The following DAB1 variants were observed in gnomAD, a reference collection of about 807,000 sequenced individuals.
The protein encoded by DAB1 is DAB adaptor protein 1.
A neutral mutation model predicts 64.6 loss-of-function variants in DAB1; 15 were observed. The ratio of observed to expected loss-of-function variants is 0.23; its 90% CI spans 0.16 to 0.36. DAB1 has a LOEUF of 0.36. Ranked by LOEUF, DAB1 falls within the 10% of genes least tolerant of loss-of-function variation. The pLI is 1.00. For missense variants in DAB1, 596 were observed against 706.7 expected, an observed-to-expected ratio of 0.84 and a Z score of 1.78; for synonymous variants, 235 against 251.9, an observed-to-expected ratio of 0.93 and a Z score of 0.64.
chr1:58,139,182 C>G (rs625994), intron 5 of DAB1, among the ~76,000 whole-genome samples: 30,042 of 151,970 alleles, frequency 0.2, 3,412 homozygotes, highest in East Asian at 0.42. Flanking sequence ...CAGATTCTTC[C>G]GTCAAAACCA....
At chr1:57,888,581 T>C (rs773039398), upstream of DAB1, among the ~76,000 whole-genome samples, 1 of 152,206 alleles carries the variant, frequency 6.6e-6, no homozygotes, top group Non-Finnish European at 1.5e-5. Context: ...TGCAATCTTT[T>C]GGTGAGGGCG....
chr1:58,284,194 T>C (rs1661631166), intron 4 of DAB1, among the ~76,000 whole-genome samples: 1 of 152,222 alleles, frequency 6.6e-6, no homozygotes, highest in Non-Finnish European at 1.5e-5. Context: ...TATGGGAACT[T>C]GGGAATTTGG....
intron 5 of DAB1, among the ~76,000 whole-genome samples, chr1:57,958,777 T>A (rs1645448811): frequency 6.6e-6 from 1 of 152,196 alleles, no homozygotes. Flanking sequence ...TGTAGATTTT[T>A]GTCCTCTTTC....
In DAB1 at chr1:57,827,858, C is replaced by T. The variant is rs185389198; in HGVS notation, n.88-1403G>A. Among the ~76,000 whole-genome samples the T allele has an allele frequency of 2.0e-5, 3 of 152,264 alleles. No homozygotes were observed. The East Asian group carries it at 5.8e-4, about 29-fold the overall frequency. On this transcript the variant is annotated intron_variant and non_coding_transcript_variant, in intron 1 of 1. Coordinates refer to the DAB1 transcript ENST00000477280. Reference sequence around the variant, plus strand: ...CAATCCCTAAGAGCTTACCTTGCTCCGGGTCCTATACCAGGCCCTTCACTT... The same window carrying T: ...CAATCCCTAAGAGCTTACCTTGCTCTGGGTCCTATACCAGGCCCTTCACTT...
At chr1:58,013,885 CT>C (rs773947507) in intron 5 of DAB1, among the ~76,000 whole-genome samples, 1,258 of 19,148 alleles carry the variant, frequency 0.066, 9 homozygotes, top group Non-Finnish European at 0.093. Flanking sequence ...TCTTCCTTTT[CT>C]TTTTTTCTTT....
chr1:57,508,093 A>G (rs542269856), intron 7 of DAB1, among the ~76,000 whole-genome samples: 75 of 152,210 alleles, frequency 4.9e-4, no homozygotes, highest in Non-Finnish European at 9.3e-4. Context: ...GAAAATCACT[A>G]CATTACAGTC....
chr1:57,156,791 G>A (rs926497680), intron 2 of DAB1, among the ~76,000 whole-genome samples: 8 of 152,150 alleles, frequency 5.3e-5, no homozygotes, highest in African/African-American at 1.4e-4. Flanking sequence ...CCTAACCGGG[G>A]GAATGGCTCT....
chr1:58,230,004 CTG>C (rs2100348434), intron 4 of DAB1, among the ~76,000 whole-genome samples: 1 of 152,318 alleles, frequency 6.6e-6, no homozygotes, highest in East Asian at 1.9e-4. Context: ...GCCATGCAGA[CTG>C]TGCAACCTCC....
chr1:58,466,352 G>A (rs550719487), intron 3 of DAB1, among the ~76,000 whole-genome samples: 1 of 151,790 alleles, frequency 6.6e-6, no homozygotes, highest in South Asian at 2.1e-4. Context: ...AGCCTCCCCT[G>A]GCCTCTACAT....
intron 2 of DAB1, among the ~76,000 whole-genome samples, chr1:57,288,315 G>A (rs1170180873): frequency 6.6e-6 from 1 of 152,138 alleles, no homozygotes; most frequent in Non-Finnish European, 1.5e-5. Context: ...AAGAGGATGG[G>A]GGATGGGGGA....
At chr1:57,359,025 A>G (rs1679343013) in intron 1 of DAB1, among the ~76,000 whole-genome samples, 1 of 152,096 alleles carries the variant, frequency 6.6e-6, no homozygotes, top group African/African-American at 2.4e-5. Context: ...GAAAAGCTCC[A>G]TGACACTGGA....
chr1:58,118,874 C>G (rs1652556453), intron 5 of DAB1, among the ~76,000 whole-genome samples: 1 of 151,832 alleles, frequency 6.6e-6, no homozygotes, highest in Non-Finnish European at 1.5e-5. Context: ...CTACACAATA[C>G]AGCCTACACA....
rs1553144984 is a variant in DAB1, at chr1:57,933,425, C to CA, written n.388-49264_388-49263insT. ...ATGCCAGTAGAAAACCAGAAGTCTC[C>CA]TTTTTTTTTACAATAGGTTTTACCT... On this transcript the variant is annotated intron_variant and non_coding_transcript_variant, in intron 5 of 20. Transcript: ENST00000485760. Among the ~76,000 whole-genome samples the CA allele has an allele frequency of 4.6e-5, 7 of 151,138 alleles. No individual in the cohort carries two copies. The East Asian group carries it at 9.7e-4, about 21-fold the overall frequency.
chr1:58,193,281 C>T (rs1420096927), intron 4 of DAB1, among the ~76,000 whole-genome samples: 2 of 152,156 alleles, frequency 1.3e-5, no homozygotes, highest in Admixed American at 6.5e-5. Flanking sequence ...GATCTCAGCA[C>T]GTTCTGGCTC....
chr1:57,777,141 C>CT (rs71051255), intron 6 of DAB1, among the ~76,000 whole-genome samples: 13,831 of 90,486 alleles, frequency 0.15, 1,080 homozygotes, highest in East Asian at 0.33. Flanking sequence ...TTCTGAATTT[C>CT]TTTTTTTTTT....
intron 5 of DAB1, among the ~76,000 whole-genome samples, chr1:58,053,885 C>T (rs1297797509): frequency 6.6e-6 from 1 of 152,234 alleles, no homozygotes; most frequent in African/African-American, 2.4e-5. Context: ...GTCAACCATA[C>T]TCGCTGTTGA....
chr1:58,252,112 G>C (rs1247309161), intron 4 of DAB1, among the ~76,000 whole-genome samples: 1 of 152,168 alleles, frequency 6.6e-6, no homozygotes, highest in Non-Finnish European at 1.5e-5. Context: ...ATGTGACAAG[G>C]AAGGCACCTA....
chr1:58,275,893 T>C (rs1000859619), intron 4 of DAB1, among the ~76,000 whole-genome samples: 2 of 152,236 alleles, frequency 1.3e-5, no homozygotes, highest in Non-Finnish European at 1.5e-5. Flanking sequence ...AGTAGCATTA[T>C]GCACAATAGC....
intron 6 of DAB1, among the ~76,000 whole-genome samples, chr1:57,738,771 A>G (rs936752808): frequency 3.9e-5 from 6 of 152,158 alleles, no homozygotes; most frequent in Non-Finnish European, 7.3e-5. Flanking sequence ...GTTTTGGGTA[A>G]TTTCTTCCAT....
Sources: gnomAD v4.1 joint callset for allele counts (sites outside exome capture counted in the v4.1 genomes callset) on GRCh38, gnomAD v4.1.1 for gene constraint, MANE v1.5 for transcripts, NCBI Gene and HGNC (gene_info 2026-07-23, HGNC 2026-07-21) for gene names.